FGF13: variants seen among roughly 807,000 people sequenced by gnomAD.
FGF13 encodes the protein fibroblast growth factor 13, also known as fibroblast growth factor homologous factor 2.
Under a neutral mutation model 19.5 loss-of-function variants are expected in FGF13, and 2 were observed. That is an observed-to-expected ratio of 0.10 (90% CI 0.04 to 0.32). The LOEUF is 0.32. Among genes scored for constraint, FGF13 ranks in the 10% least tolerant of loss-of-function variants. FGF13 has a pLI of 1.00. For missense variants in FGF13, 113 were observed against 192.7 expected (o/e 0.59, Z 2.45); for synonymous variants, 72 against 76.9 (o/e 0.94, Z 0.33).
At chrX:138,815,500 A>C (rs1332175129) in intron 3 of FGF13, among the ~76,000 whole-genome samples, 2 of 111,066 alleles carry the variant, frequency 1.8e-5, no homozygotes, top group South Asian at 3.8e-4. Context: ...AAATGAAAAA[A>C]AATGCAGGTG....
At chrX:138,910,375 G>C (rs2091581259) in intron 1 of FGF13, among the ~76,000 whole-genome samples, 1 of 110,817 alleles carries the variant, frequency 9.0e-6, no homozygotes, top group African/African-American at 3.3e-5. Context: ...TGGTACCTTG[G>C]TACTGTTGTG....
At chrX:138,676,754 T>C (rs1324399631) in intron 3 of FGF13, among the ~76,000 whole-genome samples, 1 of 112,248 alleles carries the variant, frequency 8.9e-6, no homozygotes, top group Admixed American at 9.5e-5. Flanking sequence ...GAGAATCTAA[T>C]GCTGCTGCTG....
At chrX:138,661,195 T>C (rs2089487198) in intron 3 of FGF13, among the ~76,000 whole-genome samples, 1 of 111,681 alleles carries the variant, frequency 9.0e-6, no homozygotes, top group Non-Finnish European at 1.9e-5. Context: ...CACAGTTCTC[T>C]TACTCAGCCT....
intron 1 of FGF13, among the ~76,000 whole-genome samples, chrX:139,192,668 G>A (rs1013997864): frequency 2.7e-5 from 3 of 111,362 alleles, no homozygotes; most frequent in African/African-American, 6.5e-5. Context: ...TCTCATGGTC[G>A]GGGGTATATG....
intron 3 of FGF13, among the ~76,000 whole-genome samples, chrX:138,751,336 AC>A (rs2090396335): frequency 9.0e-6 from 1 of 111,284 alleles, no homozygotes; most frequent in Non-Finnish European, 1.9e-5. Flanking sequence ...TCCCTGCAGA[AC>A]TTTTCCTGGC....
chrX:138,900,448 C>T (rs957190553), intron 1 of FGF13, among the ~76,000 whole-genome samples: 3 of 110,790 alleles, frequency 2.7e-5, no homozygotes, highest in Admixed American at 9.7e-5. Flanking sequence ...TTCCCACACA[C>T]CCTCAATTCC....
chrX:138,669,866 G>T (rs2089594218), intron 3 of FGF13, among the ~76,000 whole-genome samples: 2 of 111,498 alleles, frequency 1.8e-5, no homozygotes. Flanking sequence ...GATCTAAATA[G>T]TCTGAATCTC....
intron 3 of FGF13, among the ~76,000 whole-genome samples, chrX:138,653,193 CT>C (rs1371369762): frequency 9.0e-6 from 1 of 111,241 alleles, no homozygotes; most frequent in East Asian, 2.8e-4. Flanking sequence ...ATGGTTCATT[CT>C]TTTTGCCATG....
chrX:138,863,994 G>T (rs1279747028), intron 2 of FGF13, among the ~76,000 whole-genome samples: 1 of 111,964 alleles, frequency 8.9e-6, no homozygotes, highest in African/African-American at 3.2e-5. Flanking sequence ...GTCCATTGTA[G>T]GATGTTGAGC....
intron 1 of FGF13, among the ~76,000 whole-genome samples, chrX:138,969,573 A>G (rs966658811): frequency 9.0e-6 from 1 of 111,729 alleles, no homozygotes; most frequent in Non-Finnish European, 1.9e-5. Flanking sequence ...CATTTATGAA[A>G]TTTCTCATAA....
intron 3 of FGF13, among the ~76,000 whole-genome samples, chrX:138,753,421 A>G (rs905896675): frequency 3.6e-5 from 4 of 112,444 alleles, no homozygotes; most frequent in Non-Finnish European, 7.5e-5. Context: ...TTTCATGGCT[A>G]TGAGCTACAC....
intron 1 of FGF13, among the ~76,000 whole-genome samples, chrX:138,899,428 G>C (rs2091520607): frequency 9.0e-6 from 1 of 111,409 alleles, no homozygotes; most frequent in South Asian, 3.9e-4. Flanking sequence ...TCCAGGTGCT[G>C]GGTAAGGTCA....
intron 3 of FGF13, among the ~76,000 whole-genome samples, chrX:138,811,607 G>T (rs1280751138): frequency 9.0e-6 from 1 of 110,598 alleles, no homozygotes; most frequent in Non-Finnish European, 1.9e-5. Flanking sequence ...TAATAAAAAA[G>T]AATAAAAAAA....
intron 3 of FGF13, among the ~76,000 whole-genome samples, chrX:138,767,944 A>G (rs911052804): frequency 1.8e-5 from 2 of 112,652 alleles, no homozygotes; most frequent in African/African-American, 6.5e-5. Flanking sequence ...TCTGGTTGCA[A>G]TTAAGACTCA....
intron 3 of FGF13, among the ~76,000 whole-genome samples, chrX:138,778,323 G>A (rs768177026): frequency 1.8e-5 from 2 of 111,275 alleles, no homozygotes; most frequent in Admixed American, 9.5e-5. Flanking sequence ...CAAGATGGCC[G>A]AATAGGAACA....
intron 1 of FGF13, among the ~76,000 whole-genome samples, chrX:138,738,073 G>A (rs755024588): frequency 4.5e-5 from 5 of 112,072 alleles, no homozygotes; most frequent in Non-Finnish European, 9.4e-5. Context: ...CAACATGACA[G>A]ATCAATCCAA....
intron 1 of FGF13, among the ~76,000 whole-genome samples, chrX:138,938,965 G>A (rs922359533): frequency 3.6e-5 from 4 of 111,923 alleles, no homozygotes; most frequent in African/African-American, 1.3e-4. Flanking sequence ...CTCTGCTAAG[G>A]AACTTGTCCA....
At chrX:138,846,409 A>G (rs1245328631) in intron 3 of FGF13, among the ~76,000 whole-genome samples, 1 of 111,627 alleles carries the variant, frequency 9.0e-6, no homozygotes, top group Non-Finnish European at 1.9e-5. Flanking sequence ...TTTACACCCA[A>G]TTCAGGGCAA....
chrX:138,829,772 A>G (rs1345029452), intron 3 of FGF13, among the ~76,000 whole-genome samples: 4 of 111,498 alleles, frequency 3.6e-5, no homozygotes, highest in Admixed American at 2.9e-4. Flanking sequence ...GCTGGAGTGC[A>G]GTAGCATGAT....
Sources: gnomAD v4.1 joint callset for allele counts (sites outside exome capture counted in the v4.1 genomes callset) on GRCh38, gnomAD v4.1.1 for gene constraint, MANE v1.5 for transcripts, NCBI Gene and HGNC (gene_info 2026-07-23, HGNC 2026-07-21) for gene names.